The following DPP6 variants were observed in gnomAD, a reference collection of about 807,000 sequenced individuals.
DPP6 encodes the protein A-type potassium channel modulatory protein DPP6.
Under a neutral mutation model 122.6 loss-of-function variants are expected in DPP6, and 69 were observed. That is an observed-to-expected ratio of 0.56 (90% CI 0.46 to 0.69). The LOEUF (loss-of-function observed/expected upper bound fraction) is 0.69, where lower values mean the gene tolerates loss of function less well. Ranked by LOEUF, DPP6 falls within the 30% of genes least tolerant of loss-of-function variation. The pLI is 0.00. For missense variants in DPP6, 928 were observed against 1,116.9 expected, an observed-to-expected ratio of 0.83 and a Z score of 2.41; for synonymous variants, 418 against 433.1, an observed-to-expected ratio of 0.97 and a Z score of 0.43.
chr7:154,828,436 G>C (rs535773425), intron 16 of DPP6, among the ~76,000 whole-genome samples: 1 of 152,078 alleles, frequency 6.6e-6, no homozygotes, highest in South Asian at 2.1e-4. Flanking sequence ...GTCACCAAGC[G>C]TGCAGCCACC....
rs965312008 is a variant in DPP6 at position 154,223,582 on chromosome 7, G to A, written c.243+170519G>A. ...AGGCTCTGAGATCAAATTGAAATCC[G>A]AAGGATGAGTAGAAGATGAAGAATG... On this transcript the variant is annotated intron_variant, in intron 1 of 25. Coordinates refer to ENST00000377770, the MANE Select transcript of DPP6 (RefSeq NM_130797.4). Among the ~76,000 whole-genome samples the A allele has an allele frequency of 4.0e-5, 6 of 149,270 alleles. 1 individual carries two copies. The highest frequency in any genetic ancestry group is 1.3e-4 in the African/African-American group (5 of 39,134).
intron 5 of DPP6, chr7:154,588,298 C>G: frequency 1.3e-6 from 1 of 754,598 alleles, no homozygotes; most frequent in Non-Finnish European, 2.0e-6. Context: ...GAATACTGAA[C>G]TGATAATCAT....
At chr7:154,723,893 C>T (rs1653852008) in intron 7 of DPP6, among the ~76,000 whole-genome samples, 1 of 152,112 alleles carries the variant, frequency 6.6e-6, no homozygotes, top group African/African-American at 2.4e-5. Flanking sequence ...TGGGCTGCAT[C>T]AGTTTGTGAG....
intron 1 of DPP6, among the ~76,000 whole-genome samples, chr7:154,178,337 C>T (rs1432986741): frequency 6.6e-6 from 1 of 151,958 alleles, no homozygotes; most frequent in Admixed American, 6.6e-5. Flanking sequence ...CCCCACACCT[C>T]TTTTAAAGTG....
At chr7:154,305,519 G>C (rs1401432607) in intron 1 of DPP6, 1 of 1,604,520 alleles carries the variant, frequency 6.2e-7, no homozygotes, top group Non-Finnish European at 8.5e-7. Flanking sequence ...GGAGCCAAGC[G>C]CTTCGGGGAA....
chr7:154,459,678 G>A (rs1456433504), intron 2 of DPP6, among the ~76,000 whole-genome samples: 1 of 151,180 alleles, frequency 6.6e-6, no homozygotes, highest in African/African-American at 2.4e-5. Context: ...TTAGACAGGC[G>A]TCATGGCGCG....
At chr7:154,104,867 G>A (rs1806036597) in intron 1 of DPP6, among the ~76,000 whole-genome samples, 1 of 152,174 alleles carries the variant, frequency 6.6e-6, no homozygotes, top group Admixed American at 6.5e-5. Flanking sequence ...ATACCTCTGT[G>A]TGTGTGCCTA....
At chr7:154,797,701 G>C (rs1193836829) in intron 12 of DPP6, among the ~76,000 whole-genome samples, 1 of 152,148 alleles carries the variant, frequency 6.6e-6, no homozygotes, top group Admixed American at 6.5e-5. Flanking sequence ...AAATGTTTTG[G>C]AACTAGATAG....
chr7:154,332,853 G>T (rs1014130147), intron 1 of DPP6, among the ~76,000 whole-genome samples: 3 of 152,124 alleles, frequency 2.0e-5, no homozygotes, highest in African/African-American at 7.2e-5. Context: ...CACCGTGCCC[G>T]CCCAGTATCC....
chr7:154,666,623 T>A (rs1435185232), intron 6 of DPP6, among the ~76,000 whole-genome samples: 1 of 152,080 alleles, frequency 6.6e-6, no homozygotes, highest in Non-Finnish European at 1.5e-5. Flanking sequence ...TAACTGAAAC[T>A]TTGTATCTTT....
At chr7:154,429,128 G>A (rs1818148917) in intron 1 of DPP6, among the ~76,000 whole-genome samples, 1 of 151,118 alleles carries the variant, frequency 6.6e-6, no homozygotes, top group African/African-American at 2.4e-5. Flanking sequence ...TTACATCTGT[G>A]TGACCTTGGG....
At chr7:154,116,322 G>T (rs1806981423) in intron 1 of DPP6, among the ~76,000 whole-genome samples, 1 of 152,062 alleles carries the variant, frequency 6.6e-6, no homozygotes, top group Non-Finnish European at 1.5e-5. Flanking sequence ...TAAAACACTG[G>T]GTTCAAACTC....
chr7:154,766,919 C>T (rs922486342), intron 8 of DPP6, among the ~76,000 whole-genome samples: 2 of 152,156 alleles, frequency 1.3e-5, no homozygotes, highest in Non-Finnish European at 2.9e-5. Flanking sequence ...CCCCCCCTTG[C>T]CTAGTGGCCT....
chr7:154,392,133 G>A (rs940859010), intron 1 of DPP6, among the ~76,000 whole-genome samples: 1 of 152,084 alleles, frequency 6.6e-6, no homozygotes, highest in Non-Finnish European at 1.5e-5. Flanking sequence ...AATTAGCTGG[G>A]TGTGTGGCAC....
At chr7:154,421,825 C>G (rs1274988333) in intron 1 of DPP6, among the ~76,000 whole-genome samples, 1 of 152,210 alleles carries the variant, frequency 6.6e-6, no homozygotes, top group Non-Finnish European at 1.5e-5. Flanking sequence ...AAATTAAACA[C>G]TGGCATGTGC....
At chr7:154,337,566 A>G (rs1809538606) in intron 1 of DPP6, among the ~76,000 whole-genome samples, 1 of 152,198 alleles carries the variant, frequency 6.6e-6, no homozygotes, top group African/African-American at 2.4e-5. Flanking sequence ...TCCTTGCACC[A>G]TCTGTCATTT....
At chr7:154,277,016 A>G (rs1804182656) in intron 1 of DPP6, among the ~76,000 whole-genome samples, 1 of 152,190 alleles carries the variant, frequency 6.6e-6, no homozygotes, top group Admixed American at 6.5e-5. Flanking sequence ...CATTTTAAAC[A>G]GCAAAATCAC....
intron 16 of DPP6, among the ~76,000 whole-genome samples, chr7:154,850,225 T>C (rs1366671014): frequency 6.6e-5 from 10 of 152,220 alleles, no homozygotes; most frequent in Admixed American, 6.5e-4. Flanking sequence ...AAGTCCATTG[T>C]ATCATTTTCA....
At chr7:153,748,380 T>G in the DPP6 span, among the ~76,000 whole-genome samples, 2 of 141,028 alleles carry the variant, frequency 1.4e-5, no homozygotes, top group South Asian at 4.9e-4. Context: ...GGTGCCGGAG[T>G]CCGCACTGAT....
Sources: allele counts gnomAD v4.1 joint callset (sites outside exome capture counted in the v4.1 genomes callset), GRCh38; gene constraint gnomAD v4.1.1; transcripts MANE v1.5; gene names NCBI Gene and HGNC (gene_info 2026-07-23, HGNC 2026-07-21).